MRPS25: variants seen among roughly 807,000 people sequenced by gnomAD.
MRPS25 encodes the protein small ribosomal subunit protein mS25.
MRPS25 carries 15 observed loss-of-function variants against 17.3 expected under a neutral mutation model. The observed-to-expected ratio is 0.87, with a 90% CI of 0.58 to 1.34. The LOEUF is 1.34. MRPS25 is among the 40% of genes most tolerant of loss of function. The probability of loss-of-function intolerance (pLI) is 0.00; values close to 1 mark genes in which losing one functional copy is unlikely to be tolerated. For missense variants in MRPS25, 225 were observed against 218.6 expected (o/e 1.03, Z -0.19); for synonymous variants, 94 against 83.3 (o/e 1.13, Z -0.70).
chr3:15,058,943 C>T (rs1008461811), intron 2 of MRPS25, among the ~76,000 whole-genome samples: 2 of 151,582 alleles, frequency 1.3e-5, no homozygotes, highest in African/African-American at 4.9e-5. Context: ...CAGAGGGGTT[C>T]TGGGGGCATG....
Position 15,048,948 on chromosome 3 carries a change from T to C in MRPS25, c.*3493A>G, listed in dbSNP as rs973415542. The C allele has an allele frequency of 2.6e-5, 4 of 152,672 alleles. No individual in the cohort carries two copies. Among genetic ancestry groups the C allele is most frequent in the Admixed American group, 2.0e-4 (3 of 15,284 alleles). The allele number at this position is 152,672 out of a possible 1,614,324, so 9.5% of individuals were successfully genotyped here. On this transcript the variant is annotated 3_prime_UTR_variant, in exon 4 of 4. Transcript: ENST00000253686. ...TTTGCCCTTCACAATATAGAAAATA[T>C]TGGTTTTGCCATTACATTTTAATGC... is the stretch of plus-strand genomic sequence containing the variant.
intron 1 of MRPS25, among the ~76,000 whole-genome samples, chr3:15,061,207 C>CGTCTCCCTCTCCCCACG (rs1317961722): frequency 2.0e-5 from 3 of 152,228 alleles, no homozygotes; most frequent in South Asian, 2.1e-4. Context: ...TCTGCCTCTC[C>CGTCTCCCTCTCCCCACG]GTCTCCCTCT....
chr3:15,049,791 G>T lies in MRPS25; in HGVS notation c.*2650C>A. The T allele has an allele frequency of 1.3e-6, 1 of 799,764 alleles. No homozygotes were observed. Among genetic ancestry groups the T allele is most frequent in the Non-Finnish European group, 2.0e-6 (1 of 496,430 alleles). 49.5% of individuals were successfully genotyped at this position (799,764 alleles called of 1,614,324 possible). On this transcript the variant is annotated 3_prime_UTR_variant, in exon 4 of 4. Transcript: ENST00000253686. Reference sequence around the variant, plus strand: ...TGGCAGGCAGATAGGGCCTCACTCCGTCACCCAGGCTGGAATGCAGTGGTA... The same window carrying T: ...TGGCAGGCAGATAGGGCCTCACTCCTTCACCCAGGCTGGAATGCAGTGGTA...
chr3:15,049,511 C>T lies in MRPS25; in HGVS notation c.*2930G>A. 1 of 253,978 alleles carries T rather than the reference C, an allele frequency of 3.9e-6. No individual in the cohort carries two copies. Among genetic ancestry groups the T allele is most frequent in the Non-Finnish European group, 7.4e-6 (1 of 134,382 alleles). 15.7% of individuals were successfully genotyped at this position (253,978 alleles called of 1,614,324 possible). A position where few individuals can be genotyped will look rare whatever the true frequency, so the allele number is the denominator to read the frequency against. On this transcript the variant is annotated 3_prime_UTR_variant, in exon 4 of 4. Coordinates refer to ENST00000253686, the MANE Select transcript of MRPS25 (RefSeq NM_022497.5). ...CAGTCTTTACATCCACCCAGCAAGG[C>T]AGCTCCTTGGTGTGGAGGTAGGGAA... is the stretch of plus-strand genomic sequence containing the variant.
At chr3:15,047,937 A>G (rs184415322), downstream of MRPS25, 20 of 152,348 alleles carry the variant, frequency 1.3e-4, no homozygotes, top group African/African-American at 4.3e-4. Flanking sequence ...GTCCAGGTCT[A>G]CTCGGACGAA....
At chr3:15,046,587 A>C (rs1240586269), downstream of MRPS25, 1 of 152,292 alleles carries the variant, frequency 6.6e-6, no homozygotes, top group African/African-American at 2.4e-5. Flanking sequence ...TTCATGCCAC[A>C]TGTGTACATC....
Position 15,065,299 on chromosome 3 carries a change from C to T in MRPS25, c.-105G>A. 2.8e-6 allele frequency: 4 copies of T among 1,414,972 alleles called. No homozygotes were observed. The highest frequency in any genetic ancestry group is 3.7e-6 in the Non-Finnish European group (4 of 1,082,218). The allele number at this position is 1,414,972 out of a possible 1,614,324, so 87.7% of individuals were successfully genotyped here. On this transcript the variant is annotated 5_prime_UTR_variant, in exon 1 of 4. Transcript: ENST00000253686. ...ATCTCACGCGGCTTCTCCCCAGAGC[C>T]AGGTTCCACTTCCCGCGCAGACGCA... is the stretch of plus-strand genomic sequence containing the variant.
chr3:15,057,153 G>A (rs778073456), intron 2 of MRPS25, among the ~76,000 whole-genome samples: 21 of 152,190 alleles, frequency 1.4e-4, no homozygotes, highest in Admixed American at 3.3e-4. Flanking sequence ...TGGGATCTGC[G>A]CAGCACTTGG....
chr3:15,061,851 A>G lies in MRPS25; in HGVS notation c.135-2376T>C, dbSNP rs1200607557. Among the ~76,000 whole-genome samples the G allele has an allele frequency of 1.6e-4, 24 of 145,600 alleles. 2 individuals are homozygous for G. The highest frequency in any genetic ancestry group is 1.6e-3 in the South Asian group (7 of 4,496). ...CGACCCCGTCTGGGAGGTGAGGAGC[A>G]TCTCTGCCCAGCCACCCCGTCTGAG... On this transcript the variant is annotated intron_variant, in intron 1 of 3. Transcript: ENST00000253686.
rs2042561935 is a variant in MRPS25, at chr3:15,049,229, C to T, written c.*3212G>A. The T allele has an allele frequency of 6.6e-6, 1 of 152,670 alleles. No homozygotes were observed. The highest frequency in any genetic ancestry group is 1.5e-5 in the Non-Finnish European group (1 of 68,070). The allele number at this position is 152,670 out of a possible 1,614,324, so 9.5% of individuals were successfully genotyped here. On this transcript the variant is annotated 3_prime_UTR_variant, in exon 4 of 4. Coordinates refer to ENST00000253686, the MANE Select transcript of MRPS25 (RefSeq NM_022497.5). ...GCATTATTGTTGTGGCTTAATACTA[C>T]TACCTAAATGAGGTTTATACTATTA...
downstream of MRPS25, chr3:15,046,192 G>A (rs1171283649): frequency 6.6e-6 from 1 of 152,198 alleles, no homozygotes; most frequent in Non-Finnish European, 1.5e-5. Flanking sequence ...GTGGTTTGAG[G>A]TTCTTTTGCT....
intron 2 of MRPS25, among the ~76,000 whole-genome samples, chr3:15,057,948 G>C (rs771699467): frequency 6.6e-6 from 1 of 152,094 alleles, no homozygotes; most frequent in Non-Finnish European, 1.5e-5. Flanking sequence ...GCAGTGGTGC[G>C]ATCTTGGCTC....
In MRPS25 at chr3:15,051,237, G is replaced by A; in HGVS notation, c.*1204C>T. 2 of 938,206 alleles carry A rather than the reference G, an allele frequency of 2.1e-6. No individual in the cohort carries two copies. Among genetic ancestry groups the A allele is most frequent in the South Asian group, 9.8e-5 (2 of 20,356 alleles). 58.1% of individuals were successfully genotyped at this position (938,206 alleles called of 1,614,324 possible). On this transcript the variant is annotated 3_prime_UTR_variant, in exon 4 of 4. Coordinates refer to ENST00000253686, the MANE Select transcript of MRPS25 (RefSeq NM_022497.5). ...CTTGCTCTGTGGCCCAGGCTGGAGT[G>A]CAGTAGCGCACGATCATGATTCACT... is the stretch of plus-strand genomic sequence containing the variant.
rs2042836177 is a variant in MRPS25 at position 15,065,099 on chromosome 3, CACTGTCATG to C, written c.87_95del (p.Met30_Val32del). The C allele has an allele frequency of 6.2e-7, 1 of 1,608,028 alleles. No individual in the cohort carries two copies. The highest frequency in any genetic ancestry group is 2.2e-5 in the East Asian group (1 of 44,632). Reference sequence around the variant, plus strand: ...CCAGCTCCCCATGCGTGTTGTAATTCACTGTCATGACCTTCACGGAGTCCTTGAACACCA... The same window carrying C: ...CCAGCTCCCCATGCGTGTTGTAATTCACCTTCACGGAGTCCTTGAACACCA... On this transcript the variant is annotated inframe_deletion, in exon 1 of 4. Coordinates refer to ENST00000253686, the MANE Select transcript of MRPS25 (RefSeq NM_022497.5).
Position 15,050,997 on chromosome 3 carries a change from T to C in MRPS25, c.*1444A>G, listed in dbSNP as rs1362527723. On this transcript the variant is annotated 3_prime_UTR_variant, in exon 4 of 4. Coordinates refer to ENST00000253686, the MANE Select transcript of MRPS25 (RefSeq NM_022497.5). ...AAAACCAGTTACAGACCTGGAAAGC[T>C]TTTAGGACTTGACCAAGGCCCCAGC... 1.0e-6 allele frequency: 1 copy of C among 984,452 alleles called. No homozygotes were observed. Among genetic ancestry groups the C allele is most frequent in the Non-Finnish European group, 1.2e-6 (1 of 829,194 alleles). The allele number at this position is 984,452 out of a possible 1,614,324, so 61.0% of individuals were successfully genotyped here.
Position 15,059,327 on chromosome 3 carries a change from T to C in MRPS25, c.241+42A>G, listed in dbSNP as rs144238979. On this transcript the variant is annotated intron_variant, in intron 2 of 3. Transcript: ENST00000253686. Reference sequence around the variant, plus strand: ...AGGAAGGACGCAGTCTCTCCAGGCATGTCTGGGACAGCCCCTGGACCATGG... The same window carrying C: ...AGGAAGGACGCAGTCTCTCCAGGCACGTCTGGGACAGCCCCTGGACCATGG... 187 of 1,334,198 alleles carry C rather than the reference T, an allele frequency of 1.4e-4. No homozygotes were observed. The African/African-American group carries it at 2.5e-3, about 17-fold the overall frequency. The allele number at this position is 1,334,198 out of a possible 1,614,324, so 82.6% of individuals were successfully genotyped here. A position where few individuals can be genotyped will look rare whatever the true frequency, so the allele number is the denominator to read the frequency against.
downstream of MRPS25, chr3:15,043,275 A>G: frequency 3.5e-6 from 1 of 283,632 alleles, no homozygotes. Flanking sequence ...AAATTCTCAA[A>G]GGGCAAAAAA....
intron 2 of MRPS25, among the ~76,000 whole-genome samples, chr3:15,057,485 G>A (rs2042688324): frequency 6.6e-6 from 1 of 152,210 alleles, no homozygotes; most frequent in Admixed American, 6.5e-5. Flanking sequence ...CATGTAACCT[G>A]GGTGAATCTC....
At chr3:15,047,694 C>T (rs1023386028), downstream of MRPS25, 5 of 152,196 alleles carry the variant, frequency 3.3e-5, no homozygotes, top group Non-Finnish European at 7.3e-5. Flanking sequence ...ATCTTTCTAT[C>T]GCCAGTTAAA....
Sources: allele counts gnomAD v4.1 joint callset (sites outside exome capture counted in the v4.1 genomes callset), GRCh38; gene constraint gnomAD v4.1.1; transcripts MANE v1.5; gene names NCBI Gene and HGNC (gene_info 2026-07-23, HGNC 2026-07-21).